The following C14orf39 variants were observed in gnomAD, a reference collection of about 807,000 sequenced individuals.
The protein encoded by C14orf39 is chromosome 14 open reading frame 39, also known as protein SIX6OS1.
C14orf39 carries 66 observed loss-of-function variants against 85.6 expected under a neutral mutation model. The ratio of observed to expected loss-of-function variants is 0.77; its 90% CI spans 0.63 to 0.95. The LOEUF (loss-of-function observed/expected upper bound fraction) is 0.95. Among genes scored for constraint, C14orf39 ranks in the 40% least tolerant of loss-of-function variants. The probability of loss-of-function intolerance (pLI) is 0.00; values close to 1 mark genes in which losing one functional copy is unlikely to be tolerated. For missense variants in C14orf39, 735 were observed against 663.9 expected (o/e 1.11, Z -1.18); for synonymous variants, 242 against 214.0 (o/e 1.13, Z -1.14).
chr14:60,483,771 T>C lies in C14orf39; in HGVS notation c.153A>G (p.Ile51Met). ...CATCTGTTGCATTTATAGTTTCGTG[T>C]ATCCTACAAATAGTTACTTTGTTTT... is the stretch of plus-strand genomic sequence containing the variant. ...IKENKVTICR[I>M]HETINATDEE... Residue 51 changes from isoleucine (I) to methionine (M), a missense_variant, in exon 4 of 18, where the codon ATA (isoleucine) becomes ATG (methionine). Physicochemically the swap from Ile to Met is conservative, Grantham distance 10 (BLOSUM62 1). Coordinates refer to ENST00000321731, the MANE Select transcript of C14orf39 (RefSeq NM_174978.3). 1.3e-6 allele frequency: 2 copies of C among 1,562,628 alleles called. No homozygotes were observed. The highest frequency in any genetic ancestry group is 2.2e-5 in the South Asian group (2 of 88,914).
intron 1 of C14orf39, among the ~76,000 whole-genome samples, chr14:60,503,422 G>A (rs1322790618): frequency 6.6e-6 from 1 of 152,162 alleles, no homozygotes; most frequent in Non-Finnish European, 1.5e-5. Context: ...CACTATTTGT[G>A]TGTGATACAG....
At chr14:60,501,931 C>A (rs935784495) in intron 1 of C14orf39, among the ~76,000 whole-genome samples, 4 of 152,148 alleles carry the variant, frequency 2.6e-5, no homozygotes, top group African/African-American at 7.2e-5. Context: ...GTGCAAGGAA[C>A]AGTCATTCAT....
intron 5 of C14orf39, 122 bp downstream of exon 5, chr14:60,478,178 C>CAAA (rs71435508): frequency 1.1e-4 from 10 of 90,076 alleles, no homozygotes; most frequent in South Asian, 2.6e-4. Context: ...GACTCCATCT[C>CAAA]AAAAAAAAAA....
At chr14:60,495,169 T>C (rs1331013079) in intron 2 of C14orf39, 1 of 198,878 alleles carries the variant, frequency 5.0e-6, no homozygotes, top group Non-Finnish European at 1.1e-5. Flanking sequence ...GGCACGGTAA[T>C]GCATTTTGAG....
At position 60,471,436 on chromosome 14, in the gene C14orf39, T is replaced by A. The variant is rs1892070342; in HGVS notation, c.535A>T (p.Thr179Ser). 2 of 1,598,564 alleles carry A rather than the reference T, an allele frequency of 1.3e-6. No homozygotes were observed. The highest frequency in any genetic ancestry group is 1.7e-6 in the Non-Finnish European group (2 of 1,172,638). The change falls in exon 7 of 18, where the codon ACT becomes TCT. Residue 179 changes from threonine to serine, a missense_variant. Thr to Ser is a moderately conservative substitution (Grantham distance 58, BLOSUM62 1). Transcript: ENST00000321731. ...FRVPAPFPSL[T>S]KWTLNIVNLR... ...GGATACATGTTTAAAGTCCATTTAG[T>A]AAGTGATGGAAAGGGAGCAGGCACT...
At chr14:60,510,945 C>G (rs1566691451) in intron 1 of C14orf39, 4 of 868,322 alleles carry the variant, frequency 4.6e-6, no homozygotes, top group Admixed American at 2.4e-5. Context: ...GTCGCCTTGC[C>G]GAGTAATCCT....
intron 16 of C14orf39, 53 bp from the exon 17 acceptor site, chr14:60,442,184 T>C (rs1329065195): frequency 2.0e-5 from 22 of 1,101,502 alleles, no homozygotes; most frequent in Non-Finnish European, 3.0e-5. Flanking sequence ...GGACAGTATA[T>C]ATAGTACATA....
chr14:60,455,200 C>T, intron 15 of C14orf39, 55 bp from the exon 16 acceptor site: 3 of 1,288,804 alleles, frequency 2.3e-6, no homozygotes, highest in Middle Eastern at 2.4e-4. Context: ...ACACTGAATA[C>T]TGGTAAGCAT....
At chr14:60,441,622 A>C (rs182955753) in intron 17 of C14orf39, among the ~76,000 whole-genome samples, 111 of 152,308 alleles carry the variant, frequency 7.3e-4, no homozygotes, top group African/African-American at 2.2e-3. Flanking sequence ...CACTGTCACC[A>C]CAGCCCAAAA....
At chr14:60,501,328 A>C (rs1460418622) in intron 1 of C14orf39, among the ~76,000 whole-genome samples, 1 of 138,678 alleles carries the variant, frequency 7.2e-6, no homozygotes, top group East Asian at 2.2e-4. Flanking sequence ...AAAAAAAAGC[A>C]ATCACATGCA....
In C14orf39 at chr14:60,515,182, C is replaced by T. The variant is rs938342487; in HGVS notation, c.-144+213G>A. 12 of 152,092 alleles carry T rather than the reference C, an allele frequency of 7.9e-5. No individual in the cohort carries two copies. Among genetic ancestry groups the T allele is most frequent in the Middle Eastern group, 6.9e-3 (2 of 290 alleles). 9.4% of individuals were successfully genotyped at this position (152,092 alleles called of 1,614,324 possible). ...CGGGAAGGCAGCGGCGGGGAGGCCC[C>T]CTGGAGGCCTGCTGGGAAATGGCGG... On this transcript the variant is annotated intron_variant, in intron 1 of 5. Transcript: ENST00000556799. This position sits in a 1 kb window ranked among gnomAD's most constrained non-coding sequence, Gnocchi z 6.2.
chr14:60,480,158 A>G (rs1892570278), intron 4 of C14orf39, among the ~76,000 whole-genome samples: 1 of 152,212 alleles, frequency 6.6e-6, no homozygotes, highest in African/African-American at 2.4e-5. Flanking sequence ...GCGGTGGCCC[A>G]CACCTGTAAT....
intron 17 of C14orf39, among the ~76,000 whole-genome samples, chr14:60,438,519 G>C (rs1890361168): frequency 6.6e-6 from 1 of 152,078 alleles, no homozygotes; most frequent in Non-Finnish European, 1.5e-5. Flanking sequence ...GTAAATAAAA[G>C]AACACATTAC....
intron 1 of C14orf39, among the ~76,000 whole-genome samples, chr14:60,500,329 G>C (rs905763959): frequency 6.6e-6 from 1 of 152,156 alleles, no homozygotes; most frequent in South Asian, 2.1e-4. Context: ...GCCTGGCTGG[G>C]AATGACACTC....
At position 60,461,518 on chromosome 14, in the gene C14orf39, T is replaced by A. The variant is rs199734256; in HGVS notation, c.1048A>T (p.Met350Leu). ...ITTITSSQKF[M>L]QVRLLTPQKQ... ...ATTTTAAAAAGTTACCTGACTTGCA[T>A]AAACTTTTGTGAACTTGTGATAGTC... Residue 350 changes from methionine to leucine, a missense_variant, in exon 12 of 18, where the codon ATG (methionine) becomes TTG (leucine). Coordinates refer to ENST00000321731, the MANE Select transcript of C14orf39 (RefSeq NM_174978.3). The A allele has an allele frequency of 1.9e-6, 3 of 1,591,944 alleles. No homozygotes were observed. The highest frequency in any genetic ancestry group is 1.7e-6 in the Non-Finnish European group (2 of 1,171,050).
chr14:60,448,377 T>G (rs1490100697), intron 16 of C14orf39, among the ~76,000 whole-genome samples: 1 of 152,026 alleles, frequency 6.6e-6, no homozygotes, highest in Non-Finnish European at 1.5e-5. Flanking sequence ...GCAAAGGATA[T>G]GAAGACACTT....
At chr14:60,485,658 A>G (rs557552197) in intron 1 of C14orf39, among the ~76,000 whole-genome samples, 1 of 152,232 alleles carries the variant, frequency 6.6e-6, no homozygotes, top group South Asian at 2.1e-4. Context: ...TGCCCCTCAG[A>G]GCCCAGGAAC....
chr14:60,470,051 AC>A (rs1352746161), intron 7 of C14orf39, among the ~76,000 whole-genome samples: 1 of 151,366 alleles, frequency 6.6e-6, no homozygotes, highest in Non-Finnish European at 1.5e-5. Context: ...TTGTTCAAAG[AC>A]AATATTTAAA....
At chr14:60,454,959 A>G in intron 16 of C14orf39, 42 bp downstream of exon 16, 2 of 1,426,838 alleles carry the variant, frequency 1.4e-6, no homozygotes, top group Non-Finnish European at 1.9e-6. Context: ...AAAGTTTCAC[A>G]GCAGAATTTT....
Sources: gnomAD v4.1 joint callset for allele counts (sites outside exome capture counted in the v4.1 genomes callset) on GRCh38, gnomAD v4.1.1 for gene constraint, Gnocchi (gnomAD v3.1) non-coding constraint, MANE v1.5 for transcripts, NCBI Gene and HGNC (gene_info 2026-07-23, HGNC 2026-07-21) for gene names.